Variants in EIF4EBP2 observed in about 807,000 individuals in gnomAD.
EIF4EBP2 encodes the protein eukaryotic translation initiation factor 4E binding protein 2.
EIF4EBP2 carries 5 observed loss-of-function variants against 10.3 expected under a neutral mutation model. The ratio of observed to expected loss-of-function variants is 0.48; its 90% confidence interval spans 0.25 to 1.02. The LOEUF (loss-of-function observed/expected upper bound fraction) is 1.02. Ranked by LOEUF, EIF4EBP2 falls within the 50% of genes least tolerant of loss-of-function variation. EIF4EBP2 has a pLI of 0.15. For synonymous variants in EIF4EBP2, 67 were observed against 61.1 expected (o/e 1.10, Z -0.45); for missense variants, 188 against 162.2 (o/e 1.16, Z -0.86).
chr10:70,428,545 G>A lies in EIF4EBP2; in HGVS notation c.*6798G>A, dbSNP rs1166425620. 6.6e-6 allele frequency: 1 copy of A among 152,154 alleles called. No individual in the cohort carries two copies. The highest frequency in any genetic ancestry group is 1.5e-5 in the Non-Finnish European group (1 of 68,024). 9.4% of individuals were successfully genotyped at this position (152,154 alleles called of 1,614,324 possible). On this transcript the variant is annotated 3_prime_UTR_variant, in exon 3 of 3. Coordinates refer to ENST00000373218, the MANE Select transcript of EIF4EBP2 (RefSeq NM_004096.5). ...ATTCTTCCAAACCAGCAGATGTTTGGAAATTAAGGAAAAAATTAAATTCTC... is the reference window on the plus strand; with the variant it reads ...ATTCTTCCAAACCAGCAGATGTTTGAAAATTAAGGAAAAAATTAAATTCTC...
intron 1 of EIF4EBP2, among the ~76,000 whole-genome samples, chr10:70,416,589 A>C (rs1029748599): frequency 6.7e-6 from 1 of 150,222 alleles, no homozygotes. Flanking sequence ...AAAAAAAAAA[A>C]AAAAAACCAG....
intron 1 of EIF4EBP2, among the ~76,000 whole-genome samples, chr10:70,406,137 C>A (rs1844962406): frequency 6.6e-6 from 1 of 152,196 alleles, no homozygotes; most frequent in Non-Finnish European, 1.5e-5. Context: ...CGTGCCACCA[C>A]GCCTGGCTAA....
chr10:70,406,462 C>T, intron 1 of EIF4EBP2, among the ~76,000 whole-genome samples: 1 of 152,142 alleles, frequency 6.6e-6, no homozygotes, highest in East Asian at 1.9e-4. Flanking sequence ...TCCAGAAGTT[C>T]AGAACACGTC....
At chr10:70,414,122 T>A (rs1845069662) in intron 1 of EIF4EBP2, among the ~76,000 whole-genome samples, 1 of 152,204 alleles carries the variant, frequency 6.6e-6, no homozygotes, top group African/African-American at 2.4e-5. Flanking sequence ...TTGGAATTGA[T>A]GTAAGTTTAT....
intron 1 of EIF4EBP2, among the ~76,000 whole-genome samples, chr10:70,409,012 A>G (rs779754041): frequency 6.6e-6 from 1 of 152,198 alleles, no homozygotes; most frequent in East Asian, 1.9e-4. Flanking sequence ...CAGTTGATGG[A>G]CCGAATGCCC....
At chr10:70,417,952 T>C (rs1329638832) in intron 1 of EIF4EBP2, among the ~76,000 whole-genome samples, 8 of 152,190 alleles carry the variant, frequency 5.3e-5, no homozygotes, top group Admixed American at 3.3e-4. Flanking sequence ...AGCAAGTTGC[T>C]GATTTCCAAA....
At chr10:70,411,745 A>G (rs1030536569) in intron 1 of EIF4EBP2, among the ~76,000 whole-genome samples, 3 of 152,248 alleles carry the variant, frequency 2.0e-5, no homozygotes, top group Admixed American at 1.3e-4. Context: ...GTGAGCCCCT[A>G]TGCCCAGCCT....
Position 70,421,823 on chromosome 10 carries a change from G to C in EIF4EBP2, c.*76G>C, listed in dbSNP as rs540336227. On this transcript the variant is annotated 3_prime_UTR_variant, in exon 3 of 3. Coordinates refer to ENST00000373218, the MANE Select transcript of EIF4EBP2 (RefSeq NM_004096.5). ...CCTGATTTGGCCAATAGGATCAACA[G>C]TGAAAAGACAGAAGAGGCAATACCA... The C allele has an allele frequency of 3.5e-6, 5 of 1,443,178 alleles. No homozygotes were observed. In the South Asian group the frequency reaches 3.5e-5, roughly 10 times the overall value. 89.4% of individuals were successfully genotyped at this position (1,443,178 alleles called of 1,614,324 possible). A position where few individuals can be genotyped will look rare whatever the true frequency, so the allele number is the denominator to read the frequency against.
In EIF4EBP2 at chr10:70,422,320, C is replaced by G. The variant is rs576904101; in HGVS notation, c.*573C>G. On this transcript the variant is annotated 3_prime_UTR_variant, in exon 3 of 3. Transcript: ENST00000373218. ...CTTTTACCTTGAGGTATTCGTCCCT[C>G]GGGACAGAGCACAGCTTGTGCAACT... 6.6e-6 allele frequency: 1 copy of G among 152,632 alleles called. No homozygotes were observed. Among genetic ancestry groups the G allele is most frequent in the African/African-American group, 2.4e-5 (1 of 41,580 alleles). The allele number at this position is 152,632 out of a possible 1,614,324, so 9.5% of individuals were successfully genotyped here. A position where few individuals can be genotyped will look rare whatever the true frequency, so the allele number is the denominator to read the frequency against.
rs1438686034 is a variant in EIF4EBP2, at chr10:70,423,091, T to C, written c.*1344T>C. 2.0e-5 allele frequency: 3 copies of C among 152,640 alleles called. No individual in the cohort carries two copies. The highest frequency in any genetic ancestry group is 2.1e-4 in the South Asian group (1 of 4,830). The allele number at this position is 152,640 out of a possible 1,614,324, so 9.5% of individuals were successfully genotyped here. On this transcript the variant is annotated 3_prime_UTR_variant, in exon 3 of 3. Transcript: ENST00000373218. ...CTGAGAATATCTGTCACTCCTCTTATCTGAGAAGTGACCTTTTATTTTTAA... is the reference window on the plus strand; with the variant it reads ...CTGAGAATATCTGTCACTCCTCTTACCTGAGAAGTGACCTTTTATTTTTAA...
intron 1 of EIF4EBP2, among the ~76,000 whole-genome samples, chr10:70,419,546 A>G (rs1845133144): frequency 6.6e-6 from 1 of 152,166 alleles, no homozygotes; most frequent in African/African-American, 2.4e-5. Context: ...TAGCCCTGAC[A>G]TAAGAAACTC....
intron 1 of EIF4EBP2, among the ~76,000 whole-genome samples, chr10:70,414,776 A>C (rs1356562518): frequency 6.6e-6 from 1 of 151,944 alleles, no homozygotes; most frequent in Non-Finnish European, 1.5e-5. Context: ...GCTGAGGCAG[A>C]AGAATCACTT....
intron 2 of EIF4EBP2, among the ~76,000 whole-genome samples, chr10:70,420,975 T>G (rs1589148816): frequency 6.6e-6 from 1 of 152,002 alleles, no homozygotes; most frequent in East Asian, 1.9e-4. Flanking sequence ...TTTGTATTTT[T>G]TAGTAGAGAC....
chr10:70,415,094 G>C (rs1168877131), intron 1 of EIF4EBP2, among the ~76,000 whole-genome samples: 49 of 151,612 alleles, frequency 3.2e-4, no homozygotes, highest in Non-Finnish European at 1.5e-5. Context: ...GGAGGTGTAG[G>C]TTGCAGTGAG....
intron 1 of EIF4EBP2, among the ~76,000 whole-genome samples, chr10:70,415,239 C>T (rs574792137): frequency 6.6e-6 from 1 of 151,458 alleles, no homozygotes; most frequent in East Asian, 1.9e-4. Context: ...TAACTTTAGT[C>T]ACAAAGCATA....
At chr10:70,421,344 G>T (rs1245831768) in intron 2 of EIF4EBP2, among the ~76,000 whole-genome samples, 1 of 152,176 alleles carries the variant, frequency 6.6e-6, no homozygotes, top group Non-Finnish European at 1.5e-5. Flanking sequence ...TATTTCAGAT[G>T]AGTTTTTTAA....
chr10:70,417,778 CT>C (rs1845112764), intron 1 of EIF4EBP2, among the ~76,000 whole-genome samples: 1 of 152,196 alleles, frequency 6.6e-6, no homozygotes. Flanking sequence ...GTTGACTCAT[CT>C]GACAGTGAAA....
At chr10:70,404,726 G>C (rs1844950856) in intron 1 of EIF4EBP2, among the ~76,000 whole-genome samples, 180 bp downstream of exon 1, 1 of 152,226 alleles carries the variant, frequency 6.6e-6, no homozygotes, top group South Asian at 2.1e-4. Flanking sequence ...CTTGCCCGCA[G>C]CTCGAGTCGG....
intron 1 of EIF4EBP2, among the ~76,000 whole-genome samples, chr10:70,412,713 CCT>C (rs1419381853): frequency 1.3e-5 from 2 of 152,026 alleles, no homozygotes; most frequent in African/African-American, 4.8e-5. Flanking sequence ...GTTTTTCCCC[CCT>C]CTCTGTCAAA....
Sources: gnomAD v4.1 joint callset for allele counts (sites outside exome capture counted in the v4.1 genomes callset) on GRCh38, gnomAD v4.1.1 for gene constraint, MANE v1.5 for transcripts, NCBI Gene and HGNC (gene_info 2026-07-23, HGNC 2026-07-21) for gene names.